The following REDIC1 variants were observed in gnomAD, a reference collection of about 807,000 sequenced individuals.
REDIC1 encodes regulator of DNA class I crossover intermediates 1, also known as HEI10 Interacting Protein 1.
At chr12:39,727,815 C>T in the REDIC1 span, among the ~76,000 whole-genome samples, 4 of 152,112 alleles carry the variant, frequency 2.6e-5, no homozygotes, top group Admixed American at 2.0e-4. Context: ...TGTTTGTGTC[C>T]TCTCTTATTT....
chr12:39,666,807 G>T, the REDIC1 span, among the ~76,000 whole-genome samples: 5 of 152,176 alleles, frequency 3.3e-5, no homozygotes, highest in Non-Finnish European at 7.3e-5. Flanking sequence ...GAGTGTATGT[G>T]TCGAGGAATT....
At chr12:39,683,452 G>GA in the REDIC1 span, 2 of 1,602,718 alleles carry the variant, frequency 1.2e-6, no homozygotes, top group Non-Finnish European at 1.7e-6. Flanking sequence ...AGACACCACA[G>GA]AAAAGTATTC....
At chr12:39,727,468 T>G in the REDIC1 span, among the ~76,000 whole-genome samples, 2 of 152,212 alleles carry the variant, frequency 1.3e-5, no homozygotes, top group African/African-American at 4.8e-5. Flanking sequence ...TGTAGATGTG[T>G]GGCATTATTT....
the REDIC1 span, chr12:39,830,394 G>C: frequency 7.3e-7 from 1 of 1,374,700 alleles, no homozygotes; most frequent in South Asian, 1.8e-5. Flanking sequence ...CCAGGTGAGA[G>C]CTGGCTGGTC....
chr12:39,808,708 T>C, the REDIC1 span, among the ~76,000 whole-genome samples: 1 of 152,190 alleles, frequency 6.6e-6, no homozygotes, highest in African/African-American at 2.4e-5. Context: ...TATGTGCTTA[T>C]TTGCCATCTT....
At chr12:39,827,642 C>T in the REDIC1 span, among the ~76,000 whole-genome samples, 1 of 152,066 alleles carries the variant, frequency 6.6e-6, no homozygotes, top group Non-Finnish European at 1.5e-5. Flanking sequence ...GGAGATTTTC[C>T]TGCAGCAGCT....
the REDIC1 span, among the ~76,000 whole-genome samples, chr12:39,766,400 A>G: frequency 5.3e-5 from 8 of 152,054 alleles, no homozygotes; most frequent in South Asian, 6.2e-4. Context: ...TTAATTTTAA[A>G]ATATTTTGAT....
At chr12:39,665,808 C>T in the REDIC1 span, among the ~76,000 whole-genome samples, 1 of 151,944 alleles carries the variant, frequency 6.6e-6, no homozygotes, top group Non-Finnish European at 1.5e-5. Flanking sequence ...AAGTTGGATT[C>T]CTAGGTATTT....
At chr12:39,733,967 C>A in the REDIC1 span, among the ~76,000 whole-genome samples, 166 of 152,298 alleles carry the variant, frequency 1.1e-3, 1 homozygote, top group African/African-American at 3.9e-3. Context: ...AAAACTCCTG[C>A]AGCTAGTTTG....
chr12:39,812,096 G>A, the REDIC1 span, among the ~76,000 whole-genome samples: 1 of 152,122 alleles, frequency 6.6e-6, no homozygotes, highest in Non-Finnish European at 1.5e-5. Flanking sequence ...TTATTTCTCA[G>A]GGTTTTGGAG....
At chr12:39,847,554 A>C in the REDIC1 span, among the ~76,000 whole-genome samples, 2 of 151,802 alleles carry the variant, frequency 1.3e-5, no homozygotes, top group Non-Finnish European at 2.9e-5. Context: ...TGCTGGTAGA[A>C]CTCCTGCAGC....
chr12:39,888,640 G>T, the REDIC1 span, among the ~76,000 whole-genome samples: 2 of 152,172 alleles, frequency 1.3e-5, no homozygotes, highest in African/African-American at 4.8e-5. Flanking sequence ...AGAATTGCAA[G>T]AGAGCACAGT....
the REDIC1 span, among the ~76,000 whole-genome samples, chr12:39,857,128 G>GT: frequency 1.3e-5 from 2 of 152,176 alleles, no homozygotes; most frequent in African/African-American, 2.4e-5. Context: ...AGAGATACAT[G>GT]TTTTTCCCCC....
At chr12:39,741,494 T>C in the REDIC1 span, among the ~76,000 whole-genome samples, 1 of 152,182 alleles carries the variant, frequency 6.6e-6, no homozygotes, top group African/African-American at 2.4e-5. Flanking sequence ...GCTTCAGATA[T>C]GAAGAAGGGT....
the REDIC1 span, chr12:39,641,043 C>T: frequency 7.0e-7 from 1 of 1,438,256 alleles, no homozygotes; most frequent in Non-Finnish European, 9.7e-7. Flanking sequence ...GACTAATAAC[C>T]TTGAAGTGCT....
At chr12:39,648,344 T>C in the REDIC1 span, among the ~76,000 whole-genome samples, 2 of 151,992 alleles carry the variant, frequency 1.3e-5, no homozygotes, top group Non-Finnish European at 2.9e-5. Context: ...GAAAGTGTCC[T>C]GTGAATAGCA....
the REDIC1 span, among the ~76,000 whole-genome samples, chr12:39,724,386 C>T: frequency 6.6e-6 from 1 of 152,128 alleles, no homozygotes; most frequent in South Asian, 2.1e-4. Context: ...TGTGCCCTCT[C>T]ATGTTGGAAA....
the REDIC1 span, among the ~76,000 whole-genome samples, chr12:39,895,293 A>T: frequency 6.6e-6 from 1 of 151,776 alleles, no homozygotes; most frequent in Non-Finnish European, 1.5e-5. Context: ...GATTGAGACC[A>T]TCCTGGCTAA....
chr12:39,711,673 A>G, the REDIC1 span, among the ~76,000 whole-genome samples: 2 of 135,564 alleles, frequency 1.5e-5, no homozygotes, highest in African/African-American at 2.7e-5. Context: ...ATACACATGT[A>G]TGTGTGTATG....
Sources: allele counts gnomAD v4.1 joint callset (sites outside exome capture counted in the v4.1 genomes callset), GRCh38; gene constraint gnomAD v4.1.1; transcripts MANE v1.5; gene names NCBI Gene and HGNC (gene_info 2026-07-23, HGNC 2026-07-21).